The following CLUH variants were observed in gnomAD, a reference collection of about 807,000 sequenced individuals.
CLUH encodes the protein CLUH binding protein of NUMT mRNA, also known as clustered mitochondria protein homolog.
CLUH carries 77 observed loss-of-function variants against 139.3 expected under a neutral mutation model. The ratio of observed to expected loss-of-function variants is 0.55; its 90% CI spans 0.46 to 0.67. The LOEUF (loss-of-function observed/expected upper bound fraction) is 0.67. Ranked by LOEUF, CLUH falls within the 30% of genes least tolerant of loss-of-function variation. The probability of loss-of-function intolerance (pLI) is 0.00; values close to 1 mark genes in which losing one functional copy is unlikely to be tolerated. For synonymous variants in CLUH, 999 were observed against 801.6 expected (o/e 1.25, Z -4.16); for missense variants, 1,876 against 1,875.8 (o/e 1.00, Z 0.00).
chr17:2,708,554 C>A (rs1247643270), intron 1 of CLUH, among the ~76,000 whole-genome samples: 1 of 151,838 alleles, frequency 6.6e-6, no homozygotes, highest in Non-Finnish European at 1.5e-5. Context: ...GTCACAGAGG[C>A]AAGAGGAGCC....
At position 2,703,431 on chromosome 17, in the gene CLUH, G is replaced by A. The variant is rs754301042; in HGVS notation, c.362C>T (p.Thr121Met). The change falls in exon 3 of 26, where the codon ACG (threonine) becomes ATG (methionine). Residue 121 changes from threonine to methionine, a missense_variant. Thr to Met is a moderately conservative substitution (Grantham distance 81). Transcript: ENST00000651024. This position sits in a 1 kb window ranked among gnomAD's most constrained non-coding sequence, Gnocchi z 4.2. ...CAGTGAGAAGCAGGTGCGGTGACACGTGTCCTCCCGGTCCATGAGCACCTG... is the reference window on the plus strand; with the variant it reads ...CAGTGAGAAGCAGGTGCGGTGACACATGTCCTCCCGGTCCATGAGCACCTG... ...IHQVLMDRED[T>M]CHRTCFSLHL... The A allele has an allele frequency of 1.1e-5, 17 of 1,613,524 alleles. No homozygotes were observed. The highest frequency in any genetic ancestry group is 2.2e-5 in the East Asian group (1 of 44,858).
intron 7 of CLUH, 72 bp from the exon 8 acceptor site, chr17:2,700,897 G>A (rs1291966337): frequency 6.7e-7 from 1 of 1,487,886 alleles, no homozygotes; most frequent in African/African-American, 1.4e-5. Flanking sequence ...CCCCTTTTCT[G>A]AGGCCCCCGC....
chr17:2,690,765 C>T lies in CLUH; in HGVS notation c.3876G>A (p.Leu1292=), dbSNP rs2069592867. The T allele has an allele frequency of 2.0e-6, 3 of 1,516,582 alleles. No individual in the cohort carries two copies. Among genetic ancestry groups the T allele is most frequent in the Admixed American group, 2.4e-5 (1 of 42,550 alleles). The allele number at this position is 1,516,582 out of a possible 1,614,324, so 93.9% of individuals were successfully genotyped here. A position where few individuals can be genotyped will look rare whatever the true frequency, so the allele number is the denominator to read the frequency against. The stretch of plus-strand genomic sequence containing the variant: ...GCGCCACCTCGGCTTTCAGATTCTC[C>T]AGGTCTTTTTGGCTGAGGATAAGGG... ...ILFIPLSQKD[L]ENLKAEVARR... Residue 1292 remains leucine (L), a synonymous_variant, in exon 26 of 26, where the codon CTG becomes CTA. Transcript: ENST00000651024.
chr17:2,704,563 C>T lies in CLUH; in HGVS notation c.102G>A (p.Glu34=), dbSNP rs1211677870. ...AGGKGRPGAA[E]LPSVMLLNGD... Reference sequence around the variant, plus strand: ...CGTTTAAGAGCATGACTGATGGCAGCTCTGCGGGTGACAAGAACGGGTCAG... The same window carrying T: ...CGTTTAAGAGCATGACTGATGGCAGTTCTGCGGGTGACAAGAACGGGTCAG... The change falls in exon 2 of 26, where the codon GAG becomes GAA. Residue 34 remains glutamate (E), a splice_region_variant and synonymous_variant. Transcript: ENST00000651024. This position sits in a 1 kb window ranked among gnomAD's most constrained non-coding sequence, Gnocchi z 5.7. 1 of 1,554,414 alleles carries T rather than the reference C, an allele frequency of 6.4e-7. No homozygotes were observed. The highest frequency in any genetic ancestry group is 1.2e-5 in the South Asian group (1 of 84,710).
In CLUH at chr17:2,690,651, T is replaced by C. The variant is rs548917539; in HGVS notation, c.3990A>G (p.Gly1330=). ...ATEPAPAGAP[G]DLGSQPPAAK... ...CAGCCGGGGGCTGGGAGCCCAGGTC[T>C]CCTGGGGCCCCCGCTGGCGCGGGCT... The change falls in exon 26 of 26, where the codon GGA becomes GGG. Residue 1330 remains glycine, a synonymous_variant. Transcript: ENST00000651024. The C allele has an allele frequency of 5.9e-6, 9 of 1,532,860 alleles. No homozygotes were observed. The South Asian group carries it at 1.1e-4, about 19-fold the overall frequency. The allele number at this position is 1,532,860 out of a possible 1,614,324, so 95.0% of individuals were successfully genotyped here.
rs2069955890 is a variant in CLUH at position 2,696,600 on chromosome 17, C to T, written c.2186-62G>A. ...CTGCCACCGGTGGAGCTGGGCTGCGCCAAGCCTCGCCCCCTAGCTCCTTGC... is the reference window on the plus strand; with the variant it reads ...CTGCCACCGGTGGAGCTGGGCTGCGTCAAGCCTCGCCCCCTAGCTCCTTGC... On this transcript the variant is annotated intron_variant, in intron 11 of 25. Transcript: ENST00000651024. 2.0e-6 allele frequency: 3 copies of T among 1,530,392 alleles called. No homozygotes were observed. The Admixed American group carries it at 5.8e-5, about 30-fold the overall frequency. 94.8% of individuals were successfully genotyped at this position (1,530,392 alleles called of 1,614,324 possible). A position where few individuals can be genotyped will look rare whatever the true frequency, so the allele number is the denominator to read the frequency against.
At chr17:2,697,664 C>T (rs1044598405) in intron 10 of CLUH, among the ~76,000 whole-genome samples, 10 of 152,310 alleles carry the variant, frequency 6.6e-5, no homozygotes, top group African/African-American at 1.9e-4. Flanking sequence ...GAACAGTGTC[C>T]GCCACAGCCA....
chr17:2,696,223 C>A lies in CLUH; in HGVS notation c.2327G>T (p.Arg776Leu), dbSNP rs372428349. The change falls in exon 13 of 26, where the codon CGG becomes CTG. Residue 776 changes from arginine (R) to leucine (L), a missense_variant. Around this residue, in one of 3 missense-constraint regions of CLUH, gnomAD observed 1,454 missense variants for 1,384.4 expected, o/e 1.05. Coordinates refer to ENST00000651024, the MANE Select transcript of CLUH (RefSeq NM_001366661.1). ...GTCCTTCAGCAGCTGCTTCTGGTCC[C>A]GAACTTCATCCTGGCAGGACTCAGG... ...RFPESCQDEV[R>L]DQKQLLKDAA... 6.3e-7 allele frequency: 1 copy of A among 1,576,522 alleles called. No individual in the cohort carries two copies. The highest frequency in any genetic ancestry group is 2.3e-5 in the East Asian group (1 of 42,804).
chr17:2,694,638 C>T, intron 16 of CLUH, 74 bp from the exon 17 acceptor site: 1 of 1,433,056 alleles, frequency 7.0e-7, no homozygotes, highest in Non-Finnish European at 9.5e-7. Context: ...CCCAGCTCCC[C>T]AACGCTGTCC....
chr17:2,691,159 G>T (rs551150067), intron 25 of CLUH, among the ~76,000 whole-genome samples: 20 of 152,118 alleles, frequency 1.3e-4, no homozygotes, highest in Admixed American at 3.9e-4. Context: ...TGGGAAGCGT[G>T]GGGAGGGAAT....
Position 2,704,552 on chromosome 17 carries a change from A to C in CLUH, c.113T>G (p.Val38Gly). ...GRPGAAELPSVMLLNGDCPES... is the reference protein window; with the variant it reads ...GRPGAAELPSGMLLNGDCPES... ...TGGGCAGTCCCCGTTTAAGAGCATG[A>C]CTGATGGCAGCTCTGCGGGTGACAA... Residue 38 changes from valine to glycine, a missense_variant, in exon 2 of 26, where the codon GTC (valine) becomes GGC (glycine). By Grantham distance (109) the Val-to-Gly change is moderately radical. Coordinates refer to ENST00000651024, the MANE Select transcript of CLUH (RefSeq NM_001366661.1). The surrounding 1 kb of genome is among the most constrained non-coding windows in gnomAD (Gnocchi z 5.7). 1 of 1,563,330 alleles carries C rather than the reference A, an allele frequency of 6.4e-7. No homozygotes were observed. Among genetic ancestry groups the C allele is most frequent in the Non-Finnish European group, 8.7e-7 (1 of 1,154,466 alleles).
chr17:2,696,419 G>A lies in CLUH; in HGVS notation c.2290+15C>T. The A allele has an allele frequency of 4.5e-6, 7 of 1,569,004 alleles. No homozygotes were observed. The highest frequency in any genetic ancestry group is 6.0e-6 in the Non-Finnish European group (7 of 1,157,896). On this transcript the variant is annotated intron_variant, in intron 12 of 25. Coordinates refer to ENST00000651024, the MANE Select transcript of CLUH (RefSeq NM_001366661.1). ...CCCTGGAGGGCTCCTGCGCTGGCCGGCCCCCACCACCTGCCTGGTGAGAAG... is the reference window on the plus strand; with the variant it reads ...CCCTGGAGGGCTCCTGCGCTGGCCGACCCCCACCACCTGCCTGGTGAGAAG...
In CLUH at chr17:2,690,458, A is replaced by T. The variant is rs2069576409; in HGVS notation, c.*136T>A. On this transcript the variant is annotated 3_prime_UTR_variant, in exon 26 of 26. Transcript: ENST00000651024. ...GCAGGCAGGCCAGGCTCCCAGGAGG[A>T]CACGGGGGTGGGGTGGGGTGAGACG... The T allele has an allele frequency of 1.4e-6, 1 of 735,422 alleles. No individual in the cohort carries two copies. Among genetic ancestry groups the T allele is most frequent in the Non-Finnish European group, 2.0e-6 (1 of 505,668 alleles). The allele number at this position is 735,422 out of a possible 1,614,324, so 45.6% of individuals were successfully genotyped here.
At position 2,701,470 on chromosome 17, in the gene CLUH, C is replaced by T. The variant is rs370393055; in HGVS notation, c.795G>A (p.Pro265=). The part of the protein sequence containing the change: ...VLTMSGWNPP[P]GNRKMHGDLM... ...GGTCCCCGTGCATCTTCCGGTTCCC[C>T]GGGGGCGGGTTCCATCCGCTCATGG... The change falls in exon 6 of 26, where the codon CCG becomes CCA. Residue 265 remains proline (P), a synonymous_variant. Coordinates refer to ENST00000651024, the MANE Select transcript of CLUH (RefSeq NM_001366661.1). The T allele has an allele frequency of 1.7e-5, 28 of 1,613,658 alleles. No homozygotes were observed. Among genetic ancestry groups the T allele is most frequent in the South Asian group, 2.2e-5 (2 of 91,052 alleles).
Position 2,696,461 on chromosome 17 carries a change from G to A in CLUH, c.2263C>T (p.Arg755Cys), listed in dbSNP as rs1465092735. The A allele has an allele frequency of 5.0e-6, 8 of 1,594,680 alleles. No homozygotes were observed. Among genetic ancestry groups the A allele is most frequent in the African/African-American group, 1.3e-5 (1 of 74,530 alleles). The change falls in exon 12 of 26, where the codon CGC (arginine) becomes TGC (cysteine). Residue 755 changes from arginine (R) to cysteine (C), a missense_variant. By Grantham distance (180) the Arg-to-Cys change is radical. Coordinates refer to ENST00000651024, the MANE Select transcript of CLUH (RefSeq NM_001366661.1). ...GGTGAGAAGATGTCAGGATTGAAGC[G>A]AATGTCGAAGGCGGTGCTGCTGATG... ...GSISSTAFDI[R>C]FNPDIFSPGV...
intron 18 of CLUH, 36 bp downstream of exon 18, chr17:2,694,087 A>C (rs767485795): frequency 8.1e-6 from 13 of 1,613,396 alleles, no homozygotes; most frequent in Non-Finnish European, 1.1e-5. Context: ...GCCATGGGGA[A>C]CCCCCACCTC....
At chr17:2,694,426 GA>G in intron 17 of CLUH, 53 bp downstream of exon 17, 1 of 923,522 alleles carries the variant, frequency 1.1e-6, no homozygotes. Context: ...CTGCAGCAGG[GA>G]CGCAGCGGGG....
intron 16 of CLUH, 84 bp from the exon 17 acceptor site, chr17:2,694,648 C>T: frequency 7.1e-7 from 1 of 1,407,632 alleles, no homozygotes; most frequent in Admixed American, 2.1e-5. Flanking sequence ...CAACGCTGTC[C>T]AGCCCGGGCC....
chr17:2,696,472 G>T lies in CLUH; in HGVS notation c.2252C>A (p.Ala751Asp). 1 of 1,595,886 alleles carries T rather than the reference G, an allele frequency of 6.3e-7. No individual in the cohort carries two copies. The highest frequency in any genetic ancestry group is 1.7e-5 in the Admixed American group (1 of 57,746). Residue 751 changes from alanine to aspartate, a missense_variant, in exon 12 of 26, where the codon GCC becomes GAC. Physicochemically the swap from Ala to Asp is moderately radical, Grantham distance 126. Around this residue, in one of 3 missense-constraint regions of CLUH, gnomAD observed 1,454 missense variants for 1,384.4 expected, o/e 1.05. Transcript: ENST00000651024. ...GTCAGGATTGAAGCGAATGTCGAAGGCGGTGCTGCTGATGGAGCCGACCGC... is the reference window on the plus strand; with the variant it reads ...GTCAGGATTGAAGCGAATGTCGAAGTCGGTGCTGCTGATGGAGCCGACCGC... ...CKAVGSISSTAFDIRFNPDIF... is the reference protein window; with the variant it reads ...CKAVGSISSTDFDIRFNPDIF...
Sources: allele counts gnomAD v4.1 joint callset (sites outside exome capture counted in the v4.1 genomes callset), GRCh38; gene constraint gnomAD v4.1.1; regional missense constraint gnomAD v4.1.1; non-coding constraint Gnocchi (gnomAD v3.1); transcripts MANE v1.5; gene names NCBI Gene and HGNC (gene_info 2026-07-23, HGNC 2026-07-21).